The following CAND2 variants were observed in gnomAD, a reference collection of about 807,000 sequenced individuals.
CAND2 encodes cullin-associated NEDD8-dissociated protein 2.
CAND2 carries 62 observed loss-of-function variants against 98.9 expected under a neutral mutation model. The observed-to-expected ratio is 0.63, with a 90% CI of 0.51 to 0.77. CAND2 has a LOEUF of 0.77. Ranked by LOEUF, CAND2 falls within the 30% of genes least tolerant of loss-of-function variation. The probability of loss-of-function intolerance (pLI) is 0.00; values close to 1 mark genes in which losing one functional copy is unlikely to be tolerated. For missense variants in CAND2, 1,501 were observed against 1,655.2 expected (o/e 0.91, Z 1.62); for synonymous variants, 770 against 731.9 (o/e 1.05, Z -0.84).
intron 1 of CAND2, among the ~76,000 whole-genome samples, chr3:12,798,839 C>T (rs9809307): frequency 0.033 from 5,072 of 152,252 alleles, 301 homozygotes; most frequent in African/African-American, 0.12. Flanking sequence ...TCCAGGCGTC[C>T]GTGTGGCCAA....
Position 12,834,201 on chromosome 3 carries a change from TAACTC to T in CAND2, c.*221_*225del. ...GCTGCCAACAGTTGGGCCCCTTCCTTAACTCAGGACAGTCATCCAAAGAAATAGGG... is the reference window on the plus strand; with the variant it reads ...GCTGCCAACAGTTGGGCCCCTTCCTTAGGACAGTCATCCAAAGAAATAGGG... On this transcript the variant is annotated 3_prime_UTR_variant, in exon 15 of 15. Transcript: ENST00000456430. 1.7e-6 allele frequency: 1 copy of T among 580,806 alleles called. No homozygotes were observed. The highest frequency in any genetic ancestry group is 2.1e-5 in the South Asian group (1 of 48,236). 36.0% of individuals were successfully genotyped at this position (580,806 alleles called of 1,614,324 possible).
intron 1 of CAND2, among the ~76,000 whole-genome samples, chr3:12,802,304 G>A (rs1575762897): frequency 6.6e-6 from 1 of 152,244 alleles, no homozygotes; most frequent in Middle Eastern, 3.4e-3. Context: ...TCCAGCCTGG[G>A]CAACAGAGCA....
At chr3:12,820,753 CCCTCG>C (rs1032019060) in intron 11 of CAND2, among the ~76,000 whole-genome samples, 3 of 152,210 alleles carry the variant, frequency 2.0e-5, no homozygotes, top group Non-Finnish European at 2.9e-5. Flanking sequence ...GAAGGCAGAG[CCCTCG>C]CCCCTTCAGA....
At chr3:12,816,066 C>G in intron 9 of CAND2, 58 bp downstream of exon 9, 2 of 1,548,642 alleles carry the variant, frequency 1.3e-6, no homozygotes, top group Non-Finnish European at 1.8e-6. Flanking sequence ...AACCCAGACC[C>G]CACCCCTGAG....
chr3:12,816,543 T>G lies in CAND2; in HGVS notation c.1611T>G (p.Ile537Met), dbSNP rs2061903938. 1 of 1,613,978 alleles carries G rather than the reference T, an allele frequency of 6.2e-7. No homozygotes were observed. The highest frequency in any genetic ancestry group is 8.5e-7 in the Non-Finnish European group (1 of 1,180,010). ...GTGTGGCTGACTCTTTCTACAAGAT[T>G]GCAGCCGAGGCCCTGGTGGTGCTGC... ...MACVADSFYK[I>M]AAEALVVLQE... Residue 537 changes from isoleucine (I) to methionine (M), a missense_variant, in exon 10 of 15, where the codon ATT becomes ATG. This residue lies in a region of CAND2 where 1,427 missense variants were observed against 1,545.3 expected (regional missense o/e 0.92). Transcript: ENST00000456430.
rs568801453 is a variant in CAND2, at chr3:12,810,418, T to A, written c.757+94T>A. ...TAAAGGGGCGGAGCTTGGGCCGCAGTGCAGCCAGGGCCTAAGGGTGGGCCG... is the reference window on the plus strand; with the variant it reads ...TAAAGGGGCGGAGCTTGGGCCGCAGAGCAGCCAGGGCCTAAGGGTGGGCCG... On this transcript the variant is annotated intron_variant, in intron 5 of 14. Transcript: ENST00000456430. 6.5e-5 allele frequency: 72 copies of A among 1,103,506 alleles called. No homozygotes were observed. In the African/African-American group the frequency reaches 1.2e-3, roughly 19 times the overall value. The allele number at this position is 1,103,506 out of a possible 1,614,324, so 68.4% of individuals were successfully genotyped here. A position where few individuals can be genotyped will look rare whatever the true frequency, so the allele number is the denominator to read the frequency against.
chr3:12,817,540 T>C lies in CAND2; in HGVS notation c.2608T>C (p.Leu870=). Residue 870 remains leucine (L), a synonymous_variant, in exon 10 of 15, where the codon TTG becomes CTG. Transcript: ENST00000456430. ...RELKAVLLEA[L]GSPSEDVRAA... is the part of the protein sequence containing the mutation. ...GCTGAAGGCGGTGCTCCTGGAAGCTTTGGGGTCACCCAGTGAGGATGTGAG... is the reference window on the plus strand; with the variant it reads ...GCTGAAGGCGGTGCTCCTGGAAGCTCTGGGGTCACCCAGTGAGGATGTGAG... The C allele has an allele frequency of 1.9e-6, 3 of 1,613,922 alleles. No individual in the cohort carries two copies. The highest frequency in any genetic ancestry group is 2.2e-5 in the East Asian group (1 of 44,874).
At chr3:12,833,605 C>G (rs2062073113) in intron 14 of CAND2, 150 bp from the exon 15 acceptor site, 5 of 651,832 alleles carry the variant, frequency 7.7e-6, no homozygotes, top group South Asian at 5.7e-5. Context: ...TAGGAAATAG[C>G]TGGTGAGACA....
chr3:12,821,754 G>A (rs548455345), intron 11 of CAND2, among the ~76,000 whole-genome samples: 1 of 152,200 alleles, frequency 6.6e-6, no homozygotes, highest in East Asian at 1.9e-4. Flanking sequence ...ATGCTCACAA[G>A]CAAGGAGCTG....
chr3:12,833,741 GTTTCCTACT>G lies in CAND2; in HGVS notation c.3484-11_3484-3del, dbSNP rs2062074599. 6.2e-7 allele frequency: 1 copy of G among 1,608,872 alleles called. No homozygotes were observed. Among genetic ancestry groups the G allele is most frequent in the East Asian group, 2.2e-5 (1 of 44,806 alleles). ...TCAATAAAGGATGGCTGCTTCTGCT[GTTTCCTACT>G]TTAGGTCAAAGCTGGTTCTGTGAAG... On this transcript the variant is annotated splice_region_variant and splice_polypyrimidine_tract_variant and intron_variant, in intron 14 of 14. Transcript: ENST00000456430.
At chr3:12,820,971 C>T (rs1180197439) in intron 11 of CAND2, among the ~76,000 whole-genome samples, 3 of 152,164 alleles carry the variant, frequency 2.0e-5, no homozygotes, top group Admixed American at 6.6e-5. Flanking sequence ...CGGTGGCTCT[C>T]GCCTGTAATC....
intron 13 of CAND2, among the ~76,000 whole-genome samples, chr3:12,831,254 A>G (rs1369210432): frequency 6.6e-6 from 1 of 151,812 alleles, no homozygotes; most frequent in African/African-American, 2.4e-5. Context: ...TGCTTTTCTG[A>G]TCCTCCTTGG....
intron 12 of CAND2, 36 bp downstream of exon 12, chr3:12,825,675 G>GGACCCA (rs767434113): frequency 1.5e-5 from 24 of 1,565,752 alleles, no homozygotes; most frequent in South Asian, 3.5e-5. Flanking sequence ...GGGAAGCTGG[G>GGACCCA]GGTGATGCCA....
Position 12,827,738 on chromosome 3 carries a change from A to G in CAND2, c.3375+134A>G, listed in dbSNP as rs1055841812. 94 of 833,842 alleles carry G rather than the reference A, an allele frequency of 1.1e-4. 1 individual carries two copies. The Middle Eastern group carries it at 3.9e-3, about 34-fold the overall frequency. The allele number at this position is 833,842 out of a possible 1,614,324, so 51.7% of individuals were successfully genotyped here. A position where few individuals can be genotyped will look rare whatever the true frequency, so the allele number is the denominator to read the frequency against. ...AAAATAGCTGCATTGTTGTTTTCTG[A>G]TAAGAAAAGGAACCTGTGTCTCAAA... On this transcript the variant is annotated intron_variant, in intron 13 of 14. Transcript: ENST00000456430.
intron 12 of CAND2, 38 bp downstream of exon 12, chr3:12,825,677 G>A (rs1237588272): frequency 1.3e-6 from 2 of 1,487,774 alleles, no homozygotes; most frequent in East Asian, 2.4e-5. Flanking sequence ...GAAGCTGGGG[G>A]TGATGCCACC....
rs560894757 is a variant in CAND2, at chr3:12,810,156, G to A, written c.589G>A (p.Gly197Arg). The change falls in exon 5 of 15, where the codon GGA becomes AGA. Residue 197 changes from glycine to arginine, a missense_variant. This residue lies in a region of CAND2 where 1,427 missense variants were observed against 1,545.3 expected (regional missense o/e 0.92). Transcript: ENST00000456430. ...CCTGGCGGTGCGCAAGCGGGCGGTCGGAGCGCTTGGCCACCTGGCGGCCGC... is the reference window on the plus strand; with the variant it reads ...CCTGGCGGTGCGCAAGCGGGCGGTCAGAGCGCTTGGCCACCTGGCGGCCGC... ...PRLAVRKRAVGALGHLAAACS... is the reference protein window; with the variant it reads ...PRLAVRKRAVRALGHLAAACS... 4.6e-6 allele frequency: 7 copies of A among 1,526,050 alleles called. No individual in the cohort carries two copies. In the African/African-American group the frequency reaches 7.1e-5, roughly 15 times the overall value. The allele number at this position is 1,526,050 out of a possible 1,614,324, so 94.5% of individuals were successfully genotyped here.
At chr3:12,814,898 G>A (rs903423977) in intron 7 of CAND2, among the ~76,000 whole-genome samples, 1 of 152,126 alleles carries the variant, frequency 6.6e-6, no homozygotes, top group African/African-American at 2.4e-5. Context: ...AATAATCCCT[G>A]TCTCAAAAGG....
chr3:12,810,883 G>A (rs1234491152), intron 5 of CAND2, among the ~76,000 whole-genome samples: 1 of 152,208 alleles, frequency 6.6e-6, no homozygotes, highest in Non-Finnish European at 1.5e-5. Flanking sequence ...ACCCCCAAAA[G>A]CTTCCTTGTG....
At position 12,816,717 on chromosome 3, in the gene CAND2, G is replaced by T; in HGVS notation, c.1785G>T (p.Met595Ile). 1 of 1,613,656 alleles carries T rather than the reference G, an allele frequency of 6.2e-7. No homozygotes were observed. The highest frequency in any genetic ancestry group is 8.5e-7 in the Non-Finnish European group (1 of 1,180,038). Residue 595 changes from methionine (M) to isoleucine (I), a missense_variant, in exon 10 of 15, where the codon ATG (methionine) becomes ATT (isoleucine). By Grantham distance (10) the Met-to-Ile change is conservative. Coordinates refer to ENST00000456430, the MANE Select transcript of CAND2 (RefSeq NM_001162499.2). ...TGAAGGAGCGGGCCATTTCCTGCAT[G>T]GGCCACCTTGTAGGCCACCTGGGTG... ...QEVKERAISC[M>I]GHLVGHLGDR...
Sources: allele counts gnomAD v4.1 joint callset (sites outside exome capture counted in the v4.1 genomes callset), GRCh38; gene constraint gnomAD v4.1.1; regional missense constraint gnomAD v4.1.1; transcripts MANE v1.5; gene names NCBI Gene and HGNC (gene_info 2026-07-23, HGNC 2026-07-21).